Variants in PAFAH1B1 observed in about 807,000 individuals in gnomAD.
PAFAH1B1 encodes platelet activating factor acetylhydrolase 1b regulatory subunit 1, also known as platelet-activating factor acetylhydrolase IB subunit beta.
Under a neutral mutation model 57.5 loss-of-function variants are expected in PAFAH1B1, and 2 were observed. The ratio of observed to expected loss-of-function variants is 0.03; its 90% confidence interval spans 0.01 to 0.11. PAFAH1B1 has a LOEUF of 0.11. Among genes scored for constraint, PAFAH1B1 ranks in the 10% least tolerant of loss-of-function variants. The pLI, the probability that PAFAH1B1 is intolerant of heterozygous loss-of-function variation, is 1.00. For synonymous variants in PAFAH1B1, 152 were observed against 169.6 expected (o/e 0.90, Z 0.81); for missense variants, 257 against 512.0 (o/e 0.50, Z 4.81).
intron 1 of PAFAH1B1, among the ~76,000 whole-genome samples, chr17:2,598,037 A>G (rs932866056): frequency 3.9e-5 from 6 of 152,040 alleles, no homozygotes; most frequent in Non-Finnish European, 8.8e-5. Flanking sequence ...ACCTGAGGTC[A>G]GGAGTTCAAG....
chr17:2,674,135 A>G lies in PAFAH1B1; in HGVS notation c.747A>G (p.Ile249Met). 1 of 1,614,118 alleles carries G rather than the reference A, an allele frequency of 6.2e-7. No homozygotes were observed. The highest frequency in any genetic ancestry group is 8.5e-7 in the Non-Finnish European group (1 of 1,180,000). ...GGCCAAATCAAGATGGCACTCTGAT[A>G]GCCAGCTGTTCCAATGACCAGACTG... is the stretch of plus-strand genomic sequence containing the variant. ...MVRPNQDGTL[I>M]ASCSNDQTVR... The change falls in exon 8 of 11, where the codon ATA (isoleucine) becomes ATG (methionine). Residue 249 changes from isoleucine (I) to methionine (M), a missense_variant. Transcript: ENST00000397195.
At chr17:2,608,741 C>T (rs1453035359) in intron 1 of PAFAH1B1, among the ~76,000 whole-genome samples, 1 of 152,166 alleles carries the variant, frequency 6.6e-6, no homozygotes, top group African/African-American at 2.4e-5. Context: ...CCTGGACAAC[C>T]GGGTGCGACC....
At chr17:2,628,226 G>A (rs2068515763) in intron 1 of PAFAH1B1, among the ~76,000 whole-genome samples, 1 of 152,030 alleles carries the variant, frequency 6.6e-6, no homozygotes, top group Admixed American at 6.6e-5. Flanking sequence ...GTCATAGTTG[G>A]CTTTTATTAT....
At chr17:2,677,010 G>A (rs543638008) in intron 9 of PAFAH1B1, among the ~76,000 whole-genome samples, 40 of 152,118 alleles carry the variant, frequency 2.6e-4, no homozygotes, top group Non-Finnish European at 5.0e-4. Flanking sequence ...AAAATTAGCT[G>A]GGCGTGGTGG....
intron 1 of PAFAH1B1, among the ~76,000 whole-genome samples, chr17:2,629,890 T>C (rs949962670): frequency 1.3e-5 from 2 of 152,202 alleles, no homozygotes; most frequent in Non-Finnish European, 2.9e-5. Context: ...TTGTCTGATA[T>C]GAGAATAGCT....
chr17:2,660,751 C>A (rs2069003390), intron 2 of PAFAH1B1, among the ~76,000 whole-genome samples: 1 of 152,082 alleles, frequency 6.6e-6, no homozygotes, highest in Admixed American at 6.6e-5. Context: ...ATTTATATTC[C>A]TTTGGGTATA....
intron 1 of PAFAH1B1, among the ~76,000 whole-genome samples, chr17:2,619,101 T>C (rs565626701): frequency 6.6e-6 from 1 of 152,236 alleles, no homozygotes; most frequent in South Asian, 2.1e-4. Flanking sequence ...GTTCATTGTT[T>C]TAGCTGGGGT....
intron 8 of PAFAH1B1, 71 bp downstream of exon 8, chr17:2,674,359 C>T: frequency 8.4e-7 from 1 of 1,186,732 alleles, no homozygotes; most frequent in Admixed American, 1.8e-5. Context: ...TTTGCTAATT[C>T]CCTGTTTCAG....
chr17:2,617,065 T>G (rs2068353351), intron 1 of PAFAH1B1, among the ~76,000 whole-genome samples: 1 of 152,042 alleles, frequency 6.6e-6, no homozygotes. Context: ...AGAACGAGAC[T>G]CCGTCTCAAA....
chr17:2,611,349 T>C lies in PAFAH1B1; in HGVS notation c.-191+17343T>C, dbSNP rs576366889. On this transcript the variant is annotated intron_variant, in intron 1 of 10. Transcript: ENST00000397195. ...CGAGCATGGTTGTGTGCGCCTGTAG[T>C]CCCAGCTACTCAGGAGGCTGAGGCA... 2.6e-5 allele frequency among the ~76,000 whole-genome samples: 4 copies of C among 151,968 alleles called. No individual in the cohort carries two copies. The South Asian group carries it at 8.3e-4, about 32-fold the overall frequency.
At chr17:2,598,097 A>T (rs923125332) in intron 1 of PAFAH1B1, among the ~76,000 whole-genome samples, 4 of 151,930 alleles carry the variant, frequency 2.6e-5, no homozygotes, top group Admixed American at 2.0e-4. Context: ...AAATACAAAA[A>T]AATTAGCCGG....
At chr17:2,599,273 T>G (rs2068114556) in intron 1 of PAFAH1B1, among the ~76,000 whole-genome samples, 1 of 152,232 alleles carries the variant, frequency 6.6e-6, no homozygotes, top group South Asian at 2.1e-4. Context: ...GTTAGGTTAG[T>G]GACTAGAATA....
chr17:2,597,054 C>CT (rs561967300), intron 1 of PAFAH1B1, among the ~76,000 whole-genome samples: 199 of 151,866 alleles, frequency 1.3e-3, no homozygotes, highest in African/African-American at 4.6e-3. Flanking sequence ...GAGCAAGACT[C>CT]TGTCAAAAAC....
intron 1 of PAFAH1B1, among the ~76,000 whole-genome samples, chr17:2,606,443 G>T (rs1191743290): frequency 6.6e-6 from 1 of 151,708 alleles, no homozygotes; most frequent in African/African-American, 2.4e-5. Flanking sequence ...TTAGCTCACT[G>T]CAACCTCTGC....
At chr17:2,651,375 A>G (rs1391035319) in intron 2 of PAFAH1B1, among the ~76,000 whole-genome samples, 2 of 150,664 alleles carry the variant, frequency 1.3e-5, no homozygotes, top group Non-Finnish European at 3.0e-5. Context: ...TCAGGGGTTC[A>G]AGACCAGACT....
intron 1 of PAFAH1B1, among the ~76,000 whole-genome samples, chr17:2,597,206 A>T (rs2151605976): frequency 6.6e-6 from 1 of 152,188 alleles, no homozygotes; most frequent in East Asian, 1.9e-4. Context: ...TCTTAGGCTT[A>T]ATTTGGAGAT....
At chr17:2,657,916 T>C (rs2068959123) in intron 2 of PAFAH1B1, among the ~76,000 whole-genome samples, 2 of 152,250 alleles carry the variant, frequency 1.3e-5, no homozygotes, top group African/African-American at 4.8e-5. Context: ...AATTTTGCTT[T>C]ACATTTTAAA....
At chr17:2,614,857 A>C (rs1286147052) in intron 1 of PAFAH1B1, among the ~76,000 whole-genome samples, 1 of 152,160 alleles carries the variant, frequency 6.6e-6, no homozygotes, top group Non-Finnish European at 1.5e-5. Context: ...AAAGGGGCAA[A>C]GATTATAGTG....
intron 2 of PAFAH1B1, among the ~76,000 whole-genome samples, chr17:2,661,107 G>A (rs951274246): frequency 2.6e-5 from 4 of 150,954 alleles, no homozygotes; most frequent in African/African-American, 4.9e-5. Context: ...TTTTTTTCCC[G>A]TTCTGTAGGT....
Sources: allele counts gnomAD v4.1 joint callset (sites outside exome capture counted in the v4.1 genomes callset), GRCh38; gene constraint gnomAD v4.1.1; transcripts MANE v1.5; gene names NCBI Gene and HGNC (gene_info 2026-07-23, HGNC 2026-07-21).